Variants in DCAF5 observed in about 807,000 individuals in gnomAD.
DCAF5 encodes the protein DDB1 and CUL4 associated factor 5, also known as DDB1- and CUL4-associated factor 5.
Under a neutral mutation model 80.7 loss-of-function variants are expected in DCAF5, and 9 were observed. The ratio of observed to expected loss-of-function variants is 0.11; its 90% CI spans 0.07 to 0.19. DCAF5 has a LOEUF of 0.19. DCAF5 is among the 10% of genes least tolerant of loss of function. The pLI is 1.00. For missense variants in DCAF5, 842 were observed against 1,205.7 expected (o/e 0.70, Z 4.47); for synonymous variants, 433 against 461.9 (o/e 0.94, Z 0.80).
Position 69,054,828 on chromosome 14 carries a change from T to C in DCAF5, c.1858A>G (p.Ile620Val). The C allele has an allele frequency of 6.2e-7, 1 of 1,614,214 alleles. No homozygotes were observed. The highest frequency in any genetic ancestry group is 8.5e-7 in the Non-Finnish European group (1 of 1,180,030). ...GAGGAGGAGAGGTCATCCACTTTGA[T>C]CTGGGGGTAATCATAGTTGTCTTCT... ...IGEDNYDYPQ[I>V]KVDDLSSSPT... The change falls in exon 9 of 9, where the codon ATC becomes GTC. Residue 620 changes from isoleucine to valine, a missense_variant. Coordinates refer to ENST00000341516, the MANE Select transcript of DCAF5 (RefSeq NM_003861.3).
intron 7 of DCAF5, among the ~76,000 whole-genome samples, chr14:69,070,153 T>TCTTAG (rs1261029739): frequency 4.6e-5 from 7 of 152,280 alleles, no homozygotes; most frequent in South Asian, 2.1e-4. Context: ...AATAAGAAGG[T>TCTTAG]CTTAGAGTAA....
Position 69,152,189 on chromosome 14 carries a change from G to C in DCAF5, c.214+576C>G, listed in dbSNP as rs1470080705. Among the ~76,000 whole-genome samples the C allele has an allele frequency of 6.6e-6, 1 of 152,184 alleles. No individual in the cohort carries two copies. The highest frequency in any genetic ancestry group is 1.5e-5 in the Non-Finnish European group (1 of 68,024). ...TGCTGGGCCTCTAAGAGCGCCGAGGGGGGCGGCCCACAGCGACCCTACCGC... is the reference window on the plus strand; with the variant it reads ...TGCTGGGCCTCTAAGAGCGCCGAGGCGGGCGGCCCACAGCGACCCTACCGC... On this transcript the variant is annotated intron_variant, in intron 1 of 8. Transcript: ENST00000341516. This position sits in a 1 kb window ranked among gnomAD's most constrained non-coding sequence, Gnocchi z 4.1.
intron 6 of DCAF5, chr14:69,084,788 T>G (rs2139941508): frequency 9.0e-7 from 1 of 1,107,006 alleles, no homozygotes. Context: ...ATTCTTCCAG[T>G]TCTGCAATGC....
intron 5 of DCAF5, among the ~76,000 whole-genome samples, chr14:69,094,983 A>T (rs4143922): frequency 1.3e-5 from 2 of 152,208 alleles, no homozygotes; most frequent in African/African-American, 4.8e-5. Context: ...AAAACAAGGC[A>T]GAGAAAAAAG....
intron 5 of DCAF5, among the ~76,000 whole-genome samples, chr14:69,105,943 A>ATATATATATATATATATATATATCTATC (rs1223858774): frequency 2.7e-5 from 2 of 74,202 alleles, no homozygotes. Flanking sequence ...ATATATATAT[A>ATATATATATATATATATATATATCTATC]TATCTCCTAT....
In DCAF5 at chr14:69,055,763, C is replaced by T. The variant is rs1190063634; in HGVS notation, c.1075-152G>A. On this transcript the variant is annotated intron_variant, in intron 8 of 8. Transcript: ENST00000341516. The surrounding 1 kb of genome is among the most constrained non-coding windows in gnomAD (Gnocchi z 5.6). ...ACCAACTTAAAAATAAGTTCTTTAC[C>T]AGACTGGATCATGTGGGTTATGTAT... 3 of 782,272 alleles carry T rather than the reference C, an allele frequency of 3.8e-6. No homozygotes were observed. The highest frequency in any genetic ancestry group is 6.0e-6 in the Non-Finnish European group (3 of 500,124). 48.5% of individuals were successfully genotyped at this position (782,272 alleles called of 1,614,324 possible).
intron 8 of DCAF5, among the ~76,000 whole-genome samples, chr14:69,058,660 A>T (rs1426454531): frequency 6.6e-6 from 1 of 152,046 alleles, no homozygotes; most frequent in African/African-American, 2.4e-5. Flanking sequence ...GGATCGCTTG[A>T]GCCCAGGAAT....
intron 7 of DCAF5, among the ~76,000 whole-genome samples, chr14:69,067,518 T>C (rs945619129): frequency 4.6e-5 from 7 of 151,844 alleles, no homozygotes; most frequent in Admixed American, 4.6e-4. Flanking sequence ...TAATTTTTTG[T>C]ACTTTTTGTA....
intron 1 of DCAF5, among the ~76,000 whole-genome samples, chr14:69,122,796 C>G (rs975838997): frequency 4.6e-5 from 7 of 152,130 alleles, no homozygotes; most frequent in Admixed American, 3.3e-4. Context: ...GTTTTCAAAG[C>G]AATCTTCTTG....
At chr14:69,110,219 TG>T (rs2040308887) in intron 5 of DCAF5, among the ~76,000 whole-genome samples, 1 of 147,920 alleles carries the variant, frequency 6.8e-6, no homozygotes, top group Non-Finnish European at 1.5e-5. Context: ...TCTTAATGTA[TG>T]TATTATGCTT....
At chr14:69,124,805 G>T (rs1265447107) in intron 1 of DCAF5, among the ~76,000 whole-genome samples, 1 of 152,038 alleles carries the variant, frequency 6.6e-6, no homozygotes, top group Non-Finnish European at 1.5e-5. Context: ...CACTCCTATG[G>T]TTTTCTCCCA....
chr14:69,120,453 T>C (rs561522744), intron 2 of DCAF5, among the ~76,000 whole-genome samples: 10 of 152,238 alleles, frequency 6.6e-5, no homozygotes, highest in Admixed American at 4.6e-4. Flanking sequence ...CCAAATGATG[T>C]GAAAGTTTTA....
intron 7 of DCAF5, among the ~76,000 whole-genome samples, chr14:69,063,010 C>A (rs1594932649): frequency 6.6e-6 from 1 of 152,098 alleles, no homozygotes; most frequent in East Asian, 1.9e-4. Context: ...AAACAAAAAA[C>A]CCCATAAAAA....
intron 1 of DCAF5, among the ~76,000 whole-genome samples, chr14:69,125,238 C>T (rs552270418): frequency 6.6e-6 from 1 of 152,104 alleles, no homozygotes; most frequent in Non-Finnish European, 1.5e-5. Flanking sequence ...GGATTGTCCG[C>T]CTTAGTAGCA....
intron 5 of DCAF5, among the ~76,000 whole-genome samples, chr14:69,105,200 T>C (rs2040094880): frequency 6.6e-6 from 1 of 152,188 alleles, no homozygotes; most frequent in African/African-American, 2.4e-5. Context: ...ATGTTAATGA[T>C]AGTATCATTC....
At chr14:69,086,605 C>T (rs1288287602) in intron 6 of DCAF5, among the ~76,000 whole-genome samples, 4 of 141,202 alleles carry the variant, frequency 2.8e-5, no homozygotes, top group South Asian at 2.3e-4. Context: ...CTTAATCAGG[C>T]GTGCATGGAG....
chr14:69,115,020 T>C (rs2040498073), intron 5 of DCAF5, among the ~76,000 whole-genome samples: 1 of 152,130 alleles, frequency 6.6e-6, no homozygotes, highest in Admixed American at 6.5e-5. Context: ...AGATAGTAGG[T>C]TGAGAGAAGG....
In DCAF5 at chr14:69,128,925, C is replaced by T. The variant is rs528778258; in HGVS notation, c.215-6565G>A. ...TTGAACTCAGGAGTTGGAGACCAGCCTGGGCAACATAGTGAGACTTTGTCT... is the reference window on the plus strand; with the variant it reads ...TTGAACTCAGGAGTTGGAGACCAGCTTGGGCAACATAGTGAGACTTTGTCT... On this transcript the variant is annotated intron_variant, in intron 1 of 8. Coordinates refer to ENST00000341516, the MANE Select transcript of DCAF5 (RefSeq NM_003861.3). Among the ~76,000 whole-genome samples the T allele has an allele frequency of 2.6e-5, 4 of 152,042 alleles. No individual in the cohort carries two copies. The East Asian group carries it at 7.7e-4, about 29-fold the overall frequency.
intron 5 of DCAF5, among the ~76,000 whole-genome samples, chr14:69,102,397 G>A (rs117948349): frequency 0.027 from 4,140 of 152,004 alleles, 55 homozygotes; most frequent in Middle Eastern, 0.037. Flanking sequence ...ATGAGCCACC[G>A]CGCCCGACCA....
Sources: allele counts gnomAD v4.1 joint callset (sites outside exome capture counted in the v4.1 genomes callset), GRCh38; gene constraint gnomAD v4.1.1; non-coding constraint Gnocchi (gnomAD v3.1); transcripts MANE v1.5; gene names NCBI Gene and HGNC (gene_info 2026-07-23, HGNC 2026-07-21).